The following LRRC4C variants were observed in gnomAD, a reference collection of about 807,000 sequenced individuals.
The protein encoded by LRRC4C is leucine-rich repeat-containing protein 4C.
LRRC4C carries 5 observed loss-of-function variants against 33.6 expected under a neutral mutation model. The observed-to-expected ratio is 0.15, with a 90% CI of 0.08 to 0.31. LRRC4C has a LOEUF of 0.31. Ranked by LOEUF, LRRC4C falls within the 10% of genes least tolerant of loss-of-function variation. LRRC4C has a pLI of 1.00. For synonymous variants in LRRC4C, 329 were observed against 302.0 expected (o/e 1.09, Z -0.93); for missense variants, 560 against 796.7 (o/e 0.70, Z 3.58).
chr11:41,011,970 A>T (rs1175766656), intron 1 of LRRC4C, among the ~76,000 whole-genome samples: 1 of 149,030 alleles, frequency 6.7e-6, no homozygotes, highest in Admixed American at 6.7e-5. Flanking sequence ...TACTTAATAG[A>T]TGTGTATATT....
chr11:41,136,623 G>T (rs1450014754), intron 1 of LRRC4C, among the ~76,000 whole-genome samples: 1 of 152,160 alleles, frequency 6.6e-6, no homozygotes, highest in African/African-American at 2.4e-5. Context: ...CTAATTTGAG[G>T]ATCTTGGCCT....
chr11:41,124,954 G>A (rs1451482411), intron 1 of LRRC4C, among the ~76,000 whole-genome samples: 1 of 152,164 alleles, frequency 6.6e-6, no homozygotes, highest in Non-Finnish European at 1.5e-5. Flanking sequence ...TCAGGAATAT[G>A]AGAAGATAAT....
intron 3 of LRRC4C, among the ~76,000 whole-genome samples, chr11:40,542,220 G>GA (rs1281564251): frequency 5.9e-5 from 9 of 152,002 alleles, no homozygotes; most frequent in Admixed American, 5.9e-4. Flanking sequence ...ATCATTGTGA[G>GA]AAAATGCTTT....
At chr11:41,022,327 T>TA (rs564132312) in intron 1 of LRRC4C, among the ~76,000 whole-genome samples, 154 of 151,010 alleles carry the variant, frequency 1.0e-3, no homozygotes, top group African/African-American at 3.3e-3. Context: ...AACTTTAGAA[T>TA]AAAAAAAAGA....
intron 1 of LRRC4C, among the ~76,000 whole-genome samples, chr11:41,122,693 G>T (rs1321700884): frequency 6.6e-6 from 1 of 151,854 alleles, no homozygotes. Flanking sequence ...TATTTTTCAG[G>T]TGTCTTTATT....
rs377312261 is a variant in LRRC4C at position 40,880,518 on chromosome 11, C to G, written c.-407+53117G>C. Among the ~76,000 whole-genome samples, 16 of 138,264 alleles carry G rather than the reference C, an allele frequency of 1.2e-4. No individual in the cohort carries two copies. In the South Asian group the frequency reaches 3.5e-3, roughly 31 times the overall value. 90.7% of individuals were successfully genotyped at this position (138,264 alleles called of 152,430 possible). ...GGAAATCTGGTGACTCCTACGAACC[C>G]CTCCACAGAATAAGATTTTTAAATG... On this transcript the variant is annotated intron_variant, in intron 2 of 6. Transcript: ENST00000528697.
chr11:40,981,058 G>A (rs757076803), intron 1 of LRRC4C, among the ~76,000 whole-genome samples: 12 of 152,164 alleles, frequency 7.9e-5, no homozygotes, highest in Middle Eastern at 3.2e-3. Flanking sequence ...ACATGCCTAA[G>A]GTCACACAGC....
intron 1 of LRRC4C, among the ~76,000 whole-genome samples, chr11:41,395,076 C>G (rs986629962): frequency 1.3e-5 from 2 of 151,844 alleles, no homozygotes; most frequent in Admixed American, 6.6e-5. Flanking sequence ...TCCCATTAAC[C>G]AGGAGACACA....
intron 2 of LRRC4C, among the ~76,000 whole-genome samples, chr11:40,701,800 T>C (rs1945875639): frequency 6.6e-6 from 1 of 151,786 alleles, no homozygotes; most frequent in Non-Finnish European, 1.5e-5. Context: ...ATTTGTTATT[T>C]AGATGAGTGA....
At chr11:40,528,554 A>G (rs994649514) in intron 3 of LRRC4C, among the ~76,000 whole-genome samples, 9 of 152,172 alleles carry the variant, frequency 5.9e-5, no homozygotes, top group Admixed American at 5.2e-4. Flanking sequence ...ATGTAAAATA[A>G]TGCAGCCGCT....
intron 3 of LRRC4C, among the ~76,000 whole-genome samples, chr11:40,326,099 T>C (rs958114279): frequency 6.6e-6 from 1 of 152,040 alleles, no homozygotes; most frequent in African/African-American, 2.4e-5. Context: ...TTGTTGCACT[T>C]AGGTTATAAA....
At chr11:40,303,094 A>G (rs537219647) in intron 4 of LRRC4C, among the ~76,000 whole-genome samples, 43 of 152,226 alleles carry the variant, frequency 2.8e-4, no homozygotes, top group African/African-American at 1.0e-3. Context: ...AAGTGACATG[A>G]TAAGTTTGGG....
At chr11:40,616,611 G>C (rs1434553361) in intron 3 of LRRC4C, among the ~76,000 whole-genome samples, 1 of 151,728 alleles carries the variant, frequency 6.6e-6, no homozygotes, top group South Asian at 2.1e-4. Context: ...TCCTTTGTAG[G>C]GACATGGATG....
chr11:40,812,197 TC>T lies in LRRC4C; in HGVS notation c.-407+121437del, dbSNP rs1951519340. Among the ~76,000 whole-genome samples the T allele has an allele frequency of 2.6e-5, 4 of 152,312 alleles. No homozygotes were observed. In the South Asian group the frequency reaches 8.3e-4, roughly 32 times the overall value. On this transcript the variant is annotated intron_variant, in intron 2 of 6. Transcript: ENST00000528697. Reference sequence around the variant, plus strand: ...AGGAGATGCTTATTTCTATTATTAATCCTAATTTGTAGGAACAGACTGTAGT... The same window carrying T: ...AGGAGATGCTTATTTCTATTATTAATCTAATTTGTAGGAACAGACTGTAGT...
chr11:40,157,283 C>G (rs547932661), intron 5 of LRRC4C, among the ~76,000 whole-genome samples: 2 of 152,052 alleles, frequency 1.3e-5, no homozygotes, highest in Admixed American at 1.3e-4. Flanking sequence ...AGACTTAAAC[C>G]TAAGACCTGA....
chr11:40,772,694 G>A (rs1949808079), intron 2 of LRRC4C, among the ~76,000 whole-genome samples: 1 of 152,058 alleles, frequency 6.6e-6, no homozygotes, highest in African/African-American at 2.4e-5. Flanking sequence ...CAAAACACAG[G>A]CAATAATGAA....
chr11:40,929,624 A>T (rs995228725), intron 2 of LRRC4C, among the ~76,000 whole-genome samples: 34 of 151,674 alleles, frequency 2.2e-4, no homozygotes, highest in South Asian at 8.3e-4. Context: ...ATTTTATTTT[A>T]TTTTTTTTGA....
intron 1 of LRRC4C, among the ~76,000 whole-genome samples, chr11:41,082,653 A>C (rs975694946): frequency 2.0e-5 from 3 of 152,204 alleles, no homozygotes; most frequent in Non-Finnish European, 4.4e-5. Flanking sequence ...GGGCACAGCC[A>C]GCAATTTACG....
At chr11:40,988,880 C>G (rs1449980744) in intron 1 of LRRC4C, among the ~76,000 whole-genome samples, 1 of 151,816 alleles carries the variant, frequency 6.6e-6, no homozygotes, top group African/African-American at 2.4e-5. Flanking sequence ...CCACGCCCGG[C>G]TAATTCTGTT....
Sources: gnomAD v4.1 joint callset for allele counts (sites outside exome capture counted in the v4.1 genomes callset) on GRCh38, gnomAD v4.1.1 for gene constraint, MANE v1.5 for transcripts, NCBI Gene and HGNC (gene_info 2026-07-23, HGNC 2026-07-21) for gene names.